XNDC1N: variants seen among roughly 807,000 people sequenced by gnomAD.
The protein encoded by XNDC1N is protein XNDC1N.
chr11:71,909,559 G>A, the XNDC1N span, among the ~76,000 whole-genome samples: 11 of 152,322 alleles, frequency 7.2e-5, no homozygotes, highest in Admixed American at 4.6e-4. Flanking sequence ...CGGCTCAAGC[G>A]TTCCCAAAGA....
chr11:71,903,830 G>C, the XNDC1N span: 2 of 351,694 alleles, frequency 5.7e-6, no homozygotes, highest in South Asian at 4.4e-5. Flanking sequence ...TCCCATCTCG[G>C]GGACCCTTTT....
chr11:71,924,565 C>G, the XNDC1N span, among the ~76,000 whole-genome samples: 2 of 151,960 alleles, frequency 1.3e-5, no homozygotes, highest in African/African-American at 4.8e-5. Context: ...GTAGTCCCAG[C>G]TACTCGGGAG....
the XNDC1N span, among the ~76,000 whole-genome samples, chr11:71,892,100 G>T: frequency 7.0e-4 from 107 of 152,104 alleles, no homozygotes; most frequent in African/African-American, 2.5e-3. Context: ...CTCCCCCGCT[G>T]GATATTAGAA....
At chr11:71,872,173 A>T in the XNDC1N span, among the ~76,000 whole-genome samples, 7 of 152,180 alleles carry the variant, frequency 4.6e-5, no homozygotes, top group Non-Finnish European at 1.0e-4. Flanking sequence ...ATGAGTTTAT[A>T]TATAACCCCC....
the XNDC1N span, among the ~76,000 whole-genome samples, chr11:71,912,480 TATC>T: frequency 6.6e-6 from 1 of 152,154 alleles, no homozygotes; most frequent in Non-Finnish European, 1.5e-5. Context: ...TTGCGAGTAA[TATC>T]ATTCTTTTCC....
At chr11:71,916,192 CGG>C in the XNDC1N span, 1 of 702,854 alleles carries the variant, frequency 1.4e-6, no homozygotes, top group African/African-American at 1.7e-5. Context: ...CGTGAAGGGT[CGG>C]GAGCAGGTCA....
chr11:71,876,061 C>T, the XNDC1N span, among the ~76,000 whole-genome samples: 3 of 151,914 alleles, frequency 2.0e-5, no homozygotes, highest in African/African-American at 7.3e-5. Flanking sequence ...AAACCGGCAT[C>T]AACAAGAAGA....
At chr11:71,912,807 G>A in the XNDC1N span, among the ~76,000 whole-genome samples, 4 of 152,052 alleles carry the variant, frequency 2.6e-5, no homozygotes, top group African/African-American at 7.3e-5. Flanking sequence ...CTAGATATTA[G>A]GAAAAAATGT....
the XNDC1N span, among the ~76,000 whole-genome samples, chr11:71,919,966 T>C: frequency 1.7e-5 from 2 of 116,216 alleles, no homozygotes; most frequent in Admixed American, 1.7e-4. Flanking sequence ...TTTTTTTTTT[T>C]TTTGAGACAG....
the XNDC1N span, among the ~76,000 whole-genome samples, chr11:71,883,642 G>A: frequency 6.6e-6 from 1 of 151,898 alleles, no homozygotes; most frequent in Non-Finnish European, 1.5e-5. Context: ...AAAACTTATA[G>A]AAGAAAACAT....
At chr11:71,897,582 A>G in the XNDC1N span, among the ~76,000 whole-genome samples, 2 of 152,228 alleles carry the variant, frequency 1.3e-5, no homozygotes, top group Admixed American at 1.3e-4. Flanking sequence ...GAGACTAGAG[A>G]GAAGTAGGAA....
At chr11:71,906,247 G>A in the XNDC1N span, among the ~76,000 whole-genome samples, 1 of 150,866 alleles carries the variant, frequency 6.6e-6, no homozygotes, top group Non-Finnish European at 1.5e-5. Context: ...GTCACAGGGT[G>A]TTATCTTCTG....
At chr11:71,905,102 C>T in the XNDC1N span, among the ~76,000 whole-genome samples, 1 of 151,978 alleles carries the variant, frequency 6.6e-6, no homozygotes, top group South Asian at 2.1e-4. Context: ...GTCCCATTTT[C>T]CTAGGATATT....
chr11:71,908,088 C>T, the XNDC1N span, among the ~76,000 whole-genome samples: 4 of 148,254 alleles, frequency 2.7e-5, no homozygotes, highest in South Asian at 2.1e-4. Context: ...CTGGACATTA[C>T]GAGCAATATA....
chr11:71,928,458 C>G, the XNDC1N span: 2 of 702,576 alleles, frequency 2.8e-6, no homozygotes, highest in Non-Finnish European at 5.2e-6. Context: ...CCTTCGCCTT[C>G]TGACCCCGAG....
At chr11:71,905,590 T>G in the XNDC1N span, among the ~76,000 whole-genome samples, 1 of 152,054 alleles carries the variant, frequency 6.6e-6, no homozygotes, top group African/African-American at 2.4e-5. Context: ...ACACTCACTC[T>G]GATATTGGAA....
At chr11:71,921,678 G>T in the XNDC1N span, among the ~76,000 whole-genome samples, 19 of 151,856 alleles carry the variant, frequency 1.3e-4, no homozygotes, top group South Asian at 4.2e-4. Context: ...CACTGAGGGG[G>T]GTGTGTGTGT....
At chr11:71,895,225 AAAT>A in the XNDC1N span, among the ~76,000 whole-genome samples, 1 of 152,276 alleles carries the variant, frequency 6.6e-6, no homozygotes, top group South Asian at 2.1e-4. Flanking sequence ...TGATTTCTTC[AAAT>A]ATTATCTTCA....
At chr11:71,927,524 G>GAAAAAAAAAAAGCACTCAGATT in the XNDC1N span, 2 of 138,014 alleles carry the variant, frequency 1.4e-5, no homozygotes, top group Admixed American at 1.4e-4. Flanking sequence ...CCGTTTCAAA[G>GAAAAAAAAAAAGCACTCAGATT]AAAAAAAAAA....
Sources: allele counts gnomAD v4.1 joint callset (sites outside exome capture counted in the v4.1 genomes callset), GRCh38; gene constraint gnomAD v4.1.1; transcripts MANE v1.5; gene names NCBI Gene and HGNC (gene_info 2026-07-23, HGNC 2026-07-21).